HYOU1: variants seen among roughly 807,000 people sequenced by gnomAD.
The protein encoded by HYOU1 is hypoxia up-regulated 1.
A neutral mutation model predicts 120.5 loss-of-function variants in HYOU1; 40 were observed. That is an observed-to-expected ratio of 0.33 (90% CI 0.26 to 0.43). HYOU1 has a LOEUF of 0.43. Among genes scored for constraint, HYOU1 ranks in the 20% least tolerant of loss-of-function variants. The probability of loss-of-function intolerance (pLI) is 1.00; values close to 1 mark genes in which losing one functional copy is unlikely to be tolerated. For missense variants in HYOU1, 1,085 were observed against 1,278.3 expected (o/e 0.85, Z 2.31); for synonymous variants, 501 against 479.4 (o/e 1.05, Z -0.59).
chr11:119,054,470 C>A, intron 7 of HYOU1, 24 bp downstream of exon 7: 1 of 1,611,588 alleles, frequency 6.2e-7, no homozygotes, highest in Non-Finnish European at 8.5e-7. Context: ...CCCTGCATGT[C>A]TGGTCAAGGC....
In HYOU1 at chr11:119,049,343, G is replaced by T. The variant is rs2133572243; in HGVS notation, c.1807-140C>A. 10 of 1,554,066 alleles carry T rather than the reference G, an allele frequency of 6.4e-6. No homozygotes were observed. The South Asian group carries it at 1.2e-4, about 18-fold the overall frequency. On this transcript the variant is annotated intron_variant, in intron 16 of 25. Transcript: ENST00000617285. ...CGGTCAATGGCCTGCTTGGACTGTG[G>T]CAATCTAGCTGGACAAAGGAAGAGC...
rs2133594575 is a variant in HYOU1 at position 119,052,679 on chromosome 11, C to T, written c.945G>A (p.Arg315=). ...CGTTGGCACTGAGGACGGTTTTGAG[C>T]CGATTAGCCTCACGCAGCAGCTTGG... is the stretch of plus-strand genomic sequence containing the variant. ...AMAKLLREAN[R]LKTVLSANAD... The change falls in exon 9 of 26, where the codon CGG becomes CGA. Residue 315 remains arginine (R), a synonymous_variant. Coordinates refer to ENST00000617285, the MANE Select transcript of HYOU1 (RefSeq NM_006389.5). This position sits in a 1 kb window ranked among gnomAD's most constrained non-coding sequence, Gnocchi z 5.0. 6 of 1,613,970 alleles carry T rather than the reference C, an allele frequency of 3.7e-6. No individual in the cohort carries two copies. Among genetic ancestry groups the T allele is most frequent in the South Asian group, 1.1e-5 (1 of 91,070 alleles).
intron 1 of HYOU1, 44 bp from the exon 2 acceptor site, chr11:119,056,211 G>A: frequency 2.3e-6 from 3 of 1,324,088 alleles, no homozygotes; most frequent in Non-Finnish European, 3.2e-6. Flanking sequence ...TGGATACCCG[G>A]AGTGAAGGAG....
intron 1 of HYOU1, among the ~76,000 whole-genome samples, chr11:119,056,570 C>G (rs1050438083): frequency 2.0e-5 from 3 of 152,264 alleles, no homozygotes; most frequent in Non-Finnish European, 4.4e-5. Flanking sequence ...CTGGAGCTCC[C>G]CCGCTGACGG....
Position 119,048,343 on chromosome 11 carries a change from C to T in HYOU1, c.2281G>A (p.Glu761Lys). 3 of 1,609,884 alleles carry T rather than the reference C, an allele frequency of 1.9e-6. No individual in the cohort carries two copies. In the South Asian group the frequency reaches 3.3e-5, roughly 18 times the overall value. Residue 761 changes from glutamate to lysine, a missense_variant, in exon 20 of 26, where the codon GAA becomes AAA. Physicochemically the swap from Glu to Lys is moderately conservative, Grantham distance 56 (BLOSUM62 1). Transcript: ENST00000617285. This position sits in a 1 kb window ranked among gnomAD's most constrained non-coding sequence, Gnocchi z 4.7. ...QDKLYQPEYQEVSTEEQREEI... is the reference protein window; with the variant it reads ...QDKLYQPEYQKVSTEEQREEI... ...TCACGCTGCTCCTCTGTGGACACTTCCTGGTACTCGGGCTGGTACAGCTTG... is the reference window on the plus strand; with the variant it reads ...TCACGCTGCTCCTCTGTGGACACTTTCTGGTACTCGGGCTGGTACAGCTTG...
intron 1 of HYOU1, 175 bp from the exon 2 acceptor site, chr11:119,056,342 A>C: frequency 2.9e-6 from 2 of 680,082 alleles, no homozygotes; most frequent in Non-Finnish European, 2.7e-6. Context: ...TTCTCTAATC[A>C]TCCCAGCAGC....
Position 119,045,189 on chromosome 11 carries a change from A to T in HYOU1, c.*404T>A. 2.2e-6 allele frequency: 1 copy of T among 459,680 alleles called. No homozygotes were observed. The highest frequency in any genetic ancestry group is 4.4e-6 in the Non-Finnish European group (1 of 228,212). The allele number at this position is 459,680 out of a possible 1,614,324, so 28.5% of individuals were successfully genotyped here. On this transcript the variant is annotated 3_prime_UTR_variant, in exon 26 of 26. Transcript: ENST00000617285. ...ATGCTCATCGCATGGTGGGAGAGGA[A>T]GGGAGGGAAGGAACAATCACCAGAG...
Position 119,051,689 on chromosome 11 carries a change from A to G in HYOU1, c.1339-64T>C. The stretch of plus-strand genomic sequence containing the variant: ...AGAGAACCCGAGTAGGTTCTGGGGT[A>G]AGGATGGGGGTGGGATGGGGGAGAC... On this transcript the variant is annotated intron_variant, in intron 12 of 25. Coordinates refer to ENST00000617285, the MANE Select transcript of HYOU1 (RefSeq NM_006389.5). The surrounding 1 kb of genome is among the most constrained non-coding windows in gnomAD (Gnocchi z 4.2). 6.2e-7 allele frequency: 1 copy of G among 1,601,188 alleles called. No individual in the cohort carries two copies. The highest frequency in any genetic ancestry group is 8.5e-7 in the Non-Finnish European group (1 of 1,170,270).
chr11:119,051,722 C>T lies in HYOU1; in HGVS notation c.1338+97G>A. The T allele has an allele frequency of 6.3e-7, 1 of 1,596,806 alleles. No individual in the cohort carries two copies. The highest frequency in any genetic ancestry group is 2.2e-5 in the East Asian group (1 of 44,626). On this transcript the variant is annotated intron_variant, in intron 12 of 25. Coordinates refer to ENST00000617285, the MANE Select transcript of HYOU1 (RefSeq NM_006389.5). The surrounding 1 kb of genome is among the most constrained non-coding windows in gnomAD (Gnocchi z 4.2). ...GGGTGGGATGGGGGAGACCTCTTAGCAGAAAGACAAAGGGATGAGCCAGAG... is the reference window on the plus strand; with the variant it reads ...GGGTGGGATGGGGGAGACCTCTTAGTAGAAAGACAAAGGGATGAGCCAGAG...
rs1187419588 is a variant in HYOU1 at position 119,045,233 on chromosome 11, G to T, written c.*360C>A. ...ACCAGAGAAGAGTGGAAACTCCCCA[G>T]CAACCTGATACCCTTCCCATCACCG... On this transcript the variant is annotated 3_prime_UTR_variant, in exon 26 of 26. Transcript: ENST00000617285. 2.1e-6 allele frequency: 1 copy of T among 480,626 alleles called. No individual in the cohort carries two copies. Among genetic ancestry groups the T allele is most frequent in the Non-Finnish European group, 4.2e-6 (1 of 240,348 alleles). The allele number at this position is 480,626 out of a possible 1,614,324, so 29.8% of individuals were successfully genotyped here.
In HYOU1 at chr11:119,054,622, C is replaced by T; in HGVS notation, c.550G>A (p.Glu184Lys). The T allele has an allele frequency of 1.2e-6, 2 of 1,614,020 alleles. No individual in the cohort carries two copies. The highest frequency in any genetic ancestry group is 1.1e-5 in the South Asian group (1 of 91,058). Reference sequence around the variant, plus strand: ...GCAGCCTGCAGCACAGCTCGGCGCTCGGCCTGGTTGAAGAAGACTGGCACG... The same window carrying T: ...GCAGCCTGCAGCACAGCTCGGCGCTTGGCCTGGTTGAAGAAGACTGGCACG... Reference protein sequence around the residue: ...ITVPVFFNQAERRAVLQAARM... With the variant: ...ITVPVFFNQAKRRAVLQAARM... Residue 184 changes from glutamate to lysine, a missense_variant, in exon 7 of 26, where the codon GAG (glutamate) becomes AAG (lysine). Transcript: ENST00000617285.
rs2133606653 is a variant in HYOU1 at position 119,054,653 on chromosome 11, C to T, written c.519G>A (p.Val173=). 4 of 1,613,052 alleles carry T rather than the reference C, an allele frequency of 2.5e-6. No individual in the cohort carries two copies. Among genetic ancestry groups the T allele is most frequent in the East Asian group, 2.2e-5 (1 of 44,896 alleles). Residue 173 remains valine (V), a synonymous_variant, in exon 7 of 26, where the codon GTG becomes GTA. Coordinates refer to ENST00000617285, the MANE Select transcript of HYOU1 (RefSeq NM_006389.5). ...DFAEQPIKDA[V]ITVPVFFNQA... ...GGTTGAAGAAGACTGGCACGGTGAT[C>T]ACTGCATCCTTGATGGGCTGCTCTA...
At position 119,046,388 on chromosome 11, in the gene HYOU1, C is replaced by T. The variant is rs186846537; in HGVS notation, c.2887+29G>A. Reference sequence around the variant, plus strand: ...TACCCCTGGGCTAATGCAACATCCACGTGCTCAACCATGGTTGCTCCAACT... The same window carrying T: ...TACCCCTGGGCTAATGCAACATCCATGTGCTCAACCATGGTTGCTCCAACT... On this transcript the variant is annotated intron_variant, in intron 24 of 25. Transcript: ENST00000617285. The T allele has an allele frequency of 2.5e-3, 4,037 of 1,612,178 alleles. 12 individuals are homozygous for T. Among genetic ancestry groups the T allele is most frequent in the Non-Finnish European group, 3.0e-3 (3,559 of 1,178,400 alleles).
intron 21 of HYOU1, 52 bp downstream of exon 21, chr11:119,047,895 T>C: frequency 6.2e-7 from 1 of 1,613,646 alleles, no homozygotes; most frequent in East Asian, 2.2e-5. Context: ...CTGGTAGGAA[T>C]GAAAACCAGT....
In HYOU1 at chr11:119,055,856, G is replaced by C; in HGVS notation, c.92-13C>G. 2 of 1,611,022 alleles carry C rather than the reference G, an allele frequency of 1.2e-6. No individual in the cohort carries two copies. On this transcript the variant is annotated splice_polypyrimidine_tract_variant and intron_variant, in intron 2 of 25. Coordinates refer to ENST00000617285, the MANE Select transcript of HYOU1 (RefSeq NM_006389.5). The surrounding 1 kb of genome is among the most constrained non-coding windows in gnomAD (Gnocchi z 4.0). ...ACTGCCAGTGTATCTGAAGGGAAAA[G>C]AGGTTTGTCAGTTAGCTCTCCCTTC... is the stretch of plus-strand genomic sequence containing the variant.
chr11:119,048,811 C>T lies in HYOU1; in HGVS notation c.2068G>A (p.Ala690Thr), dbSNP rs2133567389. 12 of 1,614,098 alleles carry T rather than the reference C, an allele frequency of 7.4e-6. No homozygotes were observed. Among genetic ancestry groups the T allele is most frequent in the South Asian group, 5.5e-5 (5 of 91,072 alleles). Residue 690 changes from alanine to threonine, a missense_variant, in exon 18 of 26, where the codon GCC (alanine) becomes ACC (threonine). This residue lies in a region of HYOU1 where 516 missense variants were observed against 517.1 expected (regional missense o/e 1.00). Transcript: ENST00000617285. The surrounding 1 kb of genome is among the most constrained non-coding windows in gnomAD (Gnocchi z 4.7). ...APEGEKKQKP[A>T]RKRRMVEEIG... ...TCCTCTACCATTCGCCGCTTCCTGG[C>T]GGGCTTCTGCTTCTTCTCTCCCTCT... is the stretch of plus-strand genomic sequence containing the variant.
Position 119,051,342 on chromosome 11 carries a change from G to C in HYOU1, c.1526+96C>G. 1 of 1,494,596 alleles carries C rather than the reference G, an allele frequency of 6.7e-7. No individual in the cohort carries two copies. The highest frequency in any genetic ancestry group is 9.2e-7 in the Non-Finnish European group (1 of 1,089,602). The allele number at this position is 1,494,596 out of a possible 1,614,324, so 92.6% of individuals were successfully genotyped here. Reference sequence around the variant, plus strand: ...ATCATAGCTGCCCTGTTTCAGCCCCGCAGGCCCACATCCTCCCTCACCCCC... The same window carrying C: ...ATCATAGCTGCCCTGTTTCAGCCCCCCAGGCCCACATCCTCCCTCACCCCC... On this transcript the variant is annotated intron_variant, in intron 13 of 25. Coordinates refer to ENST00000617285, the MANE Select transcript of HYOU1 (RefSeq NM_006389.5). This position sits in a 1 kb window ranked among gnomAD's most constrained non-coding sequence, Gnocchi z 4.2.
Position 119,049,134 on chromosome 11 carries a change from C to T in HYOU1, c.1876G>A (p.Ala626Thr). Reference sequence around the variant, plus strand: ...GAGCCATCCTCCACTGGGGCCTCAGCTTCCTCCTTGAGCTCCACCTGCTCC... The same window carrying T: ...GAGCCATCCTCCACTGGGGCCTCAGTTTCCTCCTTGAGCTCCACCTGCTCC... ...PGEQVELKEEAEAPVEDGSQP... is the reference protein window; with the variant it reads ...PGEQVELKEETEAPVEDGSQP... The change falls in exon 17 of 26, where the codon GCT (alanine) becomes ACT (threonine). Residue 626 changes from alanine to threonine, a missense_variant. Ala to Thr is a moderately conservative substitution (Grantham distance 58). Transcript: ENST00000617285. 4 of 1,613,680 alleles carry T rather than the reference C, an allele frequency of 2.5e-6. No homozygotes were observed. Among genetic ancestry groups the T allele is most frequent in the Middle Eastern group, 1.7e-4 (1 of 6,060 alleles).
At position 119,052,596 on chromosome 11, in the gene HYOU1, C is replaced by G; in HGVS notation, c.987+41G>C. The G allele has an allele frequency of 1.3e-6, 2 of 1,585,850 alleles. No homozygotes were observed. The highest frequency in any genetic ancestry group is 1.7e-6 in the Non-Finnish European group (2 of 1,163,328). On this transcript the variant is annotated intron_variant, in intron 9 of 25. Transcript: ENST00000617285. The surrounding 1 kb of genome is among the most constrained non-coding windows in gnomAD (Gnocchi z 5.0). The stretch of plus-strand genomic sequence containing the variant: ...CAGTGGCAGGGTCCCCCACCCTCTA[C>G]GTGGGACAAAATATAGCCTCAACCA...
Sources: gnomAD v4.1 joint callset for allele counts (sites outside exome capture counted in the v4.1 genomes callset) on GRCh38, gnomAD v4.1.1 for gene constraint, gnomAD v4.1.1 regional missense constraint, Gnocchi (gnomAD v3.1) non-coding constraint, MANE v1.5 for transcripts, NCBI Gene and HGNC (gene_info 2026-07-23, HGNC 2026-07-21) for gene names.